TMEM178B: variants seen among roughly 807,000 people sequenced by gnomAD.
TMEM178B encodes transmembrane protein 178B.
Under a neutral mutation model 31.0 loss-of-function variants are expected in TMEM178B, and 5 were observed. The observed-to-expected ratio is 0.16, with a 90% CI of 0.08 to 0.34. The LOEUF (loss-of-function observed/expected upper bound fraction) is 0.34. Ranked by LOEUF, TMEM178B falls within the 10% of genes least tolerant of loss-of-function variation. The pLI, the probability that TMEM178B is intolerant of heterozygous loss-of-function variation, is 1.00. For synonymous variants in TMEM178B, 164 were observed against 164.0 expected (o/e 1.00, Z 0.00); for missense variants, 275 against 400.3 (o/e 0.69, Z 2.67).
intron 1 of TMEM178B, among the ~76,000 whole-genome samples, chr7:141,091,259 T>G (rs1021454727): frequency 6.6e-6 from 1 of 152,152 alleles, no homozygotes; most frequent in African/African-American, 2.4e-5. Flanking sequence ...TGGCTTTAAT[T>G]TAAAAAAAAT....
At chr7:141,369,128 T>C (rs1800063237) in intron 2 of TMEM178B, among the ~76,000 whole-genome samples, 1 of 152,210 alleles carries the variant, frequency 6.6e-6, no homozygotes, top group Non-Finnish European at 1.5e-5. Flanking sequence ...GCTTCTCAAC[T>C]GTTCCTCTGG....
chr7:141,159,605 A>G (rs1796134651), intron 1 of TMEM178B, among the ~76,000 whole-genome samples: 1 of 152,224 alleles, frequency 6.6e-6, no homozygotes. Flanking sequence ...ATAGAGTGGA[A>G]TATTATTCCA....
At chr7:141,147,250 T>G (rs563537648) in intron 1 of TMEM178B, among the ~76,000 whole-genome samples, 5 of 151,910 alleles carry the variant, frequency 3.3e-5, no homozygotes, top group African/African-American at 1.2e-4. Context: ...CCTTTCTCCT[T>G]CCCTCCCTCC....
At chr7:141,075,467 G>A (rs994154820) in intron 1 of TMEM178B, among the ~76,000 whole-genome samples, 2 of 152,172 alleles carry the variant, frequency 1.3e-5, no homozygotes, top group Admixed American at 6.5e-5. Context: ...AGCTGCATTT[G>A]CTAATGATAA....
At chr7:141,138,174 G>A (rs1795707178) in intron 1 of TMEM178B, among the ~76,000 whole-genome samples, 1 of 151,378 alleles carries the variant, frequency 6.6e-6, no homozygotes, top group Non-Finnish European at 1.5e-5. Flanking sequence ...CCATTGTCCT[G>A]CCTCAGCCTC....
chr7:141,450,766 T>C (rs1801849457), intron 3 of TMEM178B, among the ~76,000 whole-genome samples: 1 of 152,128 alleles, frequency 6.6e-6, no homozygotes, highest in Non-Finnish European at 1.5e-5. Context: ...TGTTCCAACA[T>C]TATCTCCTTT....
intron 2 of TMEM178B, among the ~76,000 whole-genome samples, chr7:141,336,143 C>T (rs547502602): frequency 6.6e-6 from 1 of 152,228 alleles, no homozygotes; most frequent in Admixed American, 6.5e-5. Flanking sequence ...GCTGGCCCCG[C>T]CCTGGTCATC....
chr7:141,229,175 G>GGTA (rs1332839521), intron 2 of TMEM178B, among the ~76,000 whole-genome samples: 2 of 150,288 alleles, frequency 1.3e-5, no homozygotes, highest in African/African-American at 4.9e-5. Context: ...TCTAGGACCA[G>GGTA]GTAGGATTCA....
chr7:141,377,833 A>G (rs754684460), intron 2 of TMEM178B, among the ~76,000 whole-genome samples: 4 of 152,190 alleles, frequency 2.6e-5, no homozygotes, highest in Admixed American at 1.3e-4. Flanking sequence ...TTTACAGAAA[A>G]GTTGCAAAGA....
intron 2 of TMEM178B, among the ~76,000 whole-genome samples, chr7:141,245,909 G>A (rs1586847926): frequency 6.6e-6 from 1 of 152,160 alleles, no homozygotes; most frequent in South Asian, 2.1e-4. Context: ...ATATAAACAA[G>A]TACTTTTGGA....
At chr7:141,386,131 G>C (rs1586926614) in intron 2 of TMEM178B, among the ~76,000 whole-genome samples, 1 of 152,276 alleles carries the variant, frequency 6.6e-6, no homozygotes, top group East Asian at 1.9e-4. Context: ...AGATTTTGAG[G>C]GGCCAAAGGG....
chr7:141,343,203 C>T (rs1350440354), intron 2 of TMEM178B, among the ~76,000 whole-genome samples: 3 of 152,352 alleles, frequency 2.0e-5, no homozygotes, highest in Admixed American at 6.5e-5. Context: ...GATTCATCCC[C>T]GTACCACTCG....
chr7:141,473,979 G>A lies in TMEM178B; in HGVS notation c.*3193G>A, dbSNP rs565691753. The A allele has an allele frequency of 6.6e-6, 1 of 152,228 alleles. No homozygotes were observed. Among genetic ancestry groups the A allele is most frequent in the Non-Finnish European group, 1.5e-5 (1 of 68,068 alleles). The allele number at this position is 152,228 out of a possible 1,614,324, so 9.4% of individuals were successfully genotyped here. A position where few individuals can be genotyped will look rare whatever the true frequency, so the allele number is the denominator to read the frequency against. ...GAGCCTTGACTTGTGAGGCTCTGTAGGTCAGACTCTGCTAACTCCAAATCA... is the reference window on the plus strand; with the variant it reads ...GAGCCTTGACTTGTGAGGCTCTGTAAGTCAGACTCTGCTAACTCCAAATCA... On this transcript the variant is annotated 3_prime_UTR_variant, in exon 4 of 4. Transcript: ENST00000565468.
chr7:141,437,829 C>G, intron 3 of TMEM178B, 84 bp downstream of exon 3: 14 of 1,500,800 alleles, frequency 9.3e-6, no homozygotes, highest in Non-Finnish European at 1.2e-5. Flanking sequence ...GAGGGCACAG[C>G]AGAGGGGACC....
At chr7:141,497,308 G>A in the TMEM178B span, among the ~76,000 whole-genome samples, 1 of 152,188 alleles carries the variant, frequency 6.6e-6, no homozygotes. Context: ...TTCTGGCTGA[G>A]ACAACTCTCC....
intron 2 of TMEM178B, among the ~76,000 whole-genome samples, chr7:141,257,996 C>T (rs1452093778): frequency 6.6e-6 from 1 of 151,436 alleles, no homozygotes; most frequent in African/African-American, 2.4e-5. Flanking sequence ...AAAATTTTCC[C>T]TGTATTTTAT....
intron 1 of TMEM178B, among the ~76,000 whole-genome samples, chr7:141,091,318 G>A (rs1221577875): frequency 1.3e-5 from 2 of 152,118 alleles, no homozygotes; most frequent in African/African-American, 2.4e-5. Context: ...TCATAAAATG[G>A]TGGGTAACCC....
chr7:141,458,206 G>A (rs577515761), intron 3 of TMEM178B, among the ~76,000 whole-genome samples: 30 of 152,200 alleles, frequency 2.0e-4, no homozygotes, highest in East Asian at 3.9e-4. Context: ...TGCAACCTTC[G>A]TCTCCCGGGT....
At chr7:141,257,024 G>A (rs1481884782) in intron 2 of TMEM178B, among the ~76,000 whole-genome samples, 2 of 152,076 alleles carry the variant, frequency 1.3e-5, no homozygotes, top group Non-Finnish European at 2.9e-5. Context: ...CAAAGGAAGC[G>A]TACAGATGAG....
Sources: gnomAD v4.1 joint callset for allele counts (sites outside exome capture counted in the v4.1 genomes callset) on GRCh38, gnomAD v4.1.1 for gene constraint, MANE v1.5 for transcripts, NCBI Gene and HGNC (gene_info 2026-07-23, HGNC 2026-07-21) for gene names.